DLGAP2: variants seen among roughly 807,000 people sequenced by gnomAD.
DLGAP2 encodes DLG associated protein 2.
Under a neutral mutation model 100.3 loss-of-function variants are expected in DLGAP2, and 26 were observed. The ratio of observed to expected loss-of-function variants is 0.26; its 90% CI spans 0.19 to 0.36. DLGAP2 has a LOEUF of 0.36. DLGAP2 is among the 10% of genes least tolerant of loss of function. The pLI is 1.00. For missense variants in DLGAP2, 1,858 were observed against 1,453.2 expected (o/e 1.28, Z -4.53); for synonymous variants, 886 against 630.1 (o/e 1.41, Z -6.08).
At chr8:1,646,048 G>A (rs1410556664) in intron 8 of DLGAP2, among the ~76,000 whole-genome samples, 1 of 152,182 alleles carries the variant, frequency 6.6e-6, no homozygotes, top group Non-Finnish European at 1.5e-5. Flanking sequence ...AACTTGACTG[G>A]GCCATGGAGT....
At chr8:1,423,858 G>C (rs551293526) in intron 3 of DLGAP2, among the ~76,000 whole-genome samples, 1 of 152,160 alleles carries the variant, frequency 6.6e-6, no homozygotes, top group Non-Finnish European at 1.5e-5. Context: ...ACACTTGCAC[G>C]TCTACAGCCA....
intron 3 of DLGAP2, among the ~76,000 whole-genome samples, chr8:1,324,094 T>C (rs547994399): frequency 1.3e-5 from 2 of 152,258 alleles, no homozygotes; most frequent in Admixed American, 1.3e-4. Flanking sequence ...GGCCTCTGGC[T>C]TAGTGAAATA....
intron 1 of DLGAP2, among the ~76,000 whole-genome samples, chr8:798,166 C>G (rs1228330402): frequency 6.6e-6 from 1 of 152,268 alleles, no homozygotes; most frequent in Non-Finnish European, 1.5e-5. Flanking sequence ...TCTGTCCTGG[C>G]ACTCCCCGTG....
chr8:1,356,459 G>A (rs1165675114), intron 3 of DLGAP2, among the ~76,000 whole-genome samples: 2 of 152,228 alleles, frequency 1.3e-5, no homozygotes, highest in Non-Finnish European at 2.9e-5. Context: ...AGGCTGCAGT[G>A]GGCGTCTCCA....
chr8:1,237,237 G>C (rs1353031008), intron 2 of DLGAP2, among the ~76,000 whole-genome samples: 3 of 143,242 alleles, frequency 2.1e-5, no homozygotes, highest in Non-Finnish European at 4.5e-5. Context: ...ATGGCGCCGT[G>C]TCTAGTTCTC....
chr8:1,262,159 C>T lies in DLGAP2; in HGVS notation c.106+3276C>T, dbSNP rs539415993. ...CAGATGATAATATCTGTCAAACAAACGCAACCAGGGACAAAGTTTACAGGA... is the reference window on the plus strand; with the variant it reads ...CAGATGATAATATCTGTCAAACAAATGCAACCAGGGACAAAGTTTACAGGA... On this transcript the variant is annotated intron_variant, in intron 3 of 14. Transcript: ENST00000637795. 4.6e-5 allele frequency among the ~76,000 whole-genome samples: 7 copies of T among 152,310 alleles called. No homozygotes were observed. The South Asian group carries it at 8.3e-4, about 18-fold the overall frequency.
intron 1 of DLGAP2, among the ~76,000 whole-genome samples, chr8:889,063 C>CG (rs1797982046): frequency 1.3e-5 from 2 of 152,014 alleles, no homozygotes; most frequent in Non-Finnish European, 2.9e-5. Context: ...TGTTCTCTGG[C>CG]GGGCAGACTG....
At chr8:1,279,367 A>G (rs1317378922) in intron 3 of DLGAP2, among the ~76,000 whole-genome samples, 12 of 152,248 alleles carry the variant, frequency 7.9e-5, no homozygotes, top group Admixed American at 7.9e-4. Context: ...TTATGTAAAT[A>G]TGTGGGCATA....
Position 779,575 on chromosome 8 carries a change from C to T in DLGAP2, c.18+41750C>T, listed in dbSNP as rs988818394. Among the ~76,000 whole-genome samples the T allele has an allele frequency of 2.6e-5, 4 of 151,758 alleles. 1 individual carries two copies. The highest frequency in any genetic ancestry group is 2.6e-4 in the Admixed American group (4 of 15,222). On this transcript the variant is annotated intron_variant, in intron 1 of 14. Transcript: ENST00000637795. The stretch of plus-strand genomic sequence containing the variant: ...GCCTCCTGGGCTCAAGTGATCTTCC[C>T]ACCTCAGTCTCCCAAAGTGTGGGGA...
chr8:1,523,223 T>C (rs6558479), intron 4 of DLGAP2, among the ~76,000 whole-genome samples: 107,926 of 152,168 alleles, frequency 0.71, 39,045 homozygotes, highest in African/African-American at 0.83. Flanking sequence ...AGCATGAAGA[T>C]GTAGCTCCCT....
rs1799425344 is a variant in DLGAP2 at position 1,697,299 on chromosome 8, G to C, written c.2949G>C (p.Lys983Asn). ...AGATGATGGAGTCCCCGGAAAGAAA[G>C]GTAAGGGCATCCATGCAGGGCCGGC... ...DWKMMESPER[K>N]EERKVPPPIP... is the part of the protein sequence containing the mutation. Residue 983 changes from lysine to asparagine, a missense_variant and splice_region_variant, in exon 14 of 15, where the codon AAG becomes AAC. Physicochemically the swap from Lys to Asn is moderately conservative, Grantham distance 94. Coordinates refer to ENST00000637795, the MANE Select transcript of DLGAP2 (RefSeq NM_001346810.2). The C allele has an allele frequency of 1.2e-6, 2 of 1,601,784 alleles. No individual in the cohort carries two copies. The highest frequency in any genetic ancestry group is 2.7e-5 in the African/African-American group (2 of 74,622).
At chr8:1,084,059 A>G (rs1803894995) in intron 2 of DLGAP2, among the ~76,000 whole-genome samples, 1 of 152,140 alleles carries the variant, frequency 6.6e-6, no homozygotes, top group Non-Finnish European at 1.5e-5. Flanking sequence ...ATTTTATCTC[A>G]TTGTTTGGTC....
intron 5 of DLGAP2, among the ~76,000 whole-genome samples, chr8:1,561,257 G>C (rs371407433): frequency 0.35 from 52,619 of 151,798 alleles, 9,626 homozygotes; most frequent in Middle Eastern, 0.51. Flanking sequence ...TTTATAAATT[G>C]CCCAGTCTGG....
rs57155499 is a variant in DLGAP2 at position 1,449,158 on chromosome 8, A to G, written c.107-52208A>G. ...CCTCTCATCTTCCCCTGATGGGGAA[A>G]GTCACTTATATGATCACGCTGACCA... On this transcript the variant is annotated intron_variant, in intron 3 of 14. Coordinates refer to ENST00000637795, the MANE Select transcript of DLGAP2 (RefSeq NM_001346810.2). Among the ~76,000 whole-genome samples, 1,291 of 152,296 alleles carry G rather than the reference A, an allele frequency of 8.5e-3. 53 individuals carry two copies. The highest frequency in any genetic ancestry group is 0.06 in the Admixed American group (911 of 15,300).
intron 3 of DLGAP2, among the ~76,000 whole-genome samples, chr8:1,470,065 G>C (rs1191032120): frequency 6.6e-6 from 1 of 152,036 alleles, no homozygotes; most frequent in African/African-American, 2.4e-5. Context: ...ATGAGGTTGA[G>C]GCAGGAGGAT....
At chr8:1,567,031 G>A (rs1182319948) in intron 6 of DLGAP2, among the ~76,000 whole-genome samples, 2 of 152,186 alleles carry the variant, frequency 1.3e-5, no homozygotes, top group Non-Finnish European at 2.9e-5. Flanking sequence ...TGGGACGAGT[G>A]GCTGAGAACA....
At chr8:1,141,761 G>T (rs773390863) in intron 2 of DLGAP2, among the ~76,000 whole-genome samples, 13 of 152,058 alleles carry the variant, frequency 8.5e-5, no homozygotes, top group Admixed American at 6.5e-5. Context: ...CATGAGTAAA[G>T]TGCTTAACAT....
intron 1 of DLGAP2, chr8:883,455 C>T (rs889874399): frequency 4.6e-5 from 7 of 152,006 alleles, no homozygotes; most frequent in Non-Finnish European, 7.4e-5. Context: ...AAAAAAAATA[C>T]AATAATGCTT....
At chr8:778,014 C>T (rs1446314521) in intron 1 of DLGAP2, among the ~76,000 whole-genome samples, 4 of 151,370 alleles carry the variant, frequency 2.6e-5, no homozygotes, top group South Asian at 2.1e-4. Flanking sequence ...GGTCTTTTCA[C>T]GTAGTCCCAT....
Sources: gnomAD v4.1 joint callset for allele counts (sites outside exome capture counted in the v4.1 genomes callset) on GRCh38, gnomAD v4.1.1 for gene constraint, MANE v1.5 for transcripts, NCBI Gene and HGNC (gene_info 2026-07-23, HGNC 2026-07-21) for gene names.